Variants in COL4A3 observed in about 807,000 individuals in gnomAD.
The protein encoded by COL4A3 is collagen alpha-3(IV) chain.
A neutral mutation model predicts 217.4 loss-of-function variants in COL4A3; 135 were observed. The ratio of observed to expected loss-of-function variants is 0.62; its 90% CI spans 0.54 to 0.72. The LOEUF is 0.72. Among genes scored for constraint, COL4A3 ranks in the 30% least tolerant of loss-of-function variants. The pLI, the probability that COL4A3 is intolerant of heterozygous loss-of-function variation, is 0.00. For missense variants in COL4A3, 1,868 were observed against 2,119.9 expected (o/e 0.88, Z 2.33); for synonymous variants, 690 against 736.3 (o/e 0.94, Z 1.02).
At chr2:227,255,534 T>C (rs2070104121) in intron 15 of COL4A3, among the ~76,000 whole-genome samples, 1 of 152,202 alleles carries the variant, frequency 6.6e-6, no homozygotes. Flanking sequence ...GCAAATACCA[T>C]AAAAGTCAAT....
At chr2:227,168,517 T>A (rs1329585541) in intron 1 of COL4A3, among the ~76,000 whole-genome samples, 1 of 152,254 alleles carries the variant, frequency 6.6e-6, no homozygotes, top group East Asian at 1.9e-4. Flanking sequence ...TAGAAGTTAT[T>A]TATATATTTG....
chr2:227,216,179 C>T (rs2067521314), intron 1 of COL4A3, among the ~76,000 whole-genome samples: 1 of 152,126 alleles, frequency 6.6e-6, no homozygotes, highest in South Asian at 2.1e-4. Context: ...ATGTACTTAA[C>T]ACCAATGACC....
chr2:227,308,978 A>C lies in COL4A3; in HGVS notation c.4542A>C (p.Ala1514=), dbSNP rs1438859903. 6.2e-7 allele frequency: 1 copy of C among 1,614,216 alleles called. No homozygotes were observed. The highest frequency in any genetic ancestry group is 8.5e-7 in the Non-Finnish European group (1 of 1,180,028). ...FCNVNDVCNF[A]SRNDYSYWLS... Reference sequence around the variant, plus strand: ...ATGTCAATGATGTATGTAATTTTGCATCTCGAAATGATTATTCATACTGGC... The same window carrying C: ...ATGTCAATGATGTATGTAATTTTGCCTCTCGAAATGATTATTCATACTGGC... The change falls in exon 49 of 52, where the codon GCA becomes GCC. Residue 1514 remains alanine (A), a synonymous_variant. Transcript: ENST00000396578.
chr2:227,225,709 C>CTTTTTTTT (rs71829862), intron 1 of COL4A3, among the ~76,000 whole-genome samples: 1 of 126,244 alleles, frequency 7.9e-6, no homozygotes, highest in African/African-American at 3.0e-5. Context: ...CTTTTTCTTT[C>CTTTTTTTT]TTTTTTTTTT....
At chr2:227,170,897 A>G (rs1301043447) in intron 1 of COL4A3, among the ~76,000 whole-genome samples, 1 of 152,180 alleles carries the variant, frequency 6.6e-6, no homozygotes, top group Non-Finnish European at 1.5e-5. Context: ...GTCTGTATCT[A>G]TTTTAAGAAA....
At chr2:227,179,768 C>T (rs1267780800) in intron 1 of COL4A3, among the ~76,000 whole-genome samples, 1 of 152,178 alleles carries the variant, frequency 6.6e-6, no homozygotes, top group Non-Finnish European at 1.5e-5. Context: ...CTTCTGTCCT[C>T]ATGGAGTATG....
At position 227,253,180 on chromosome 2, in the gene COL4A3, C is replaced by T; in HGVS notation, c.646-116C>T. The T allele has an allele frequency of 4.6e-6, 4 of 864,414 alleles. No homozygotes were observed. Among genetic ancestry groups the T allele is most frequent in the Admixed American group, 2.2e-5 (1 of 46,248 alleles). 53.5% of individuals were successfully genotyped at this position (864,414 alleles called of 1,614,324 possible). ...AGAAATAGCTAAAATATGTATCATT[C>T]TAAAATGAAAGTTAAAATATAAATG... is the stretch of plus-strand genomic sequence containing the variant. On this transcript the variant is annotated intron_variant, in intron 11 of 51. Transcript: ENST00000396578. This position sits in a 1 kb window ranked among gnomAD's most constrained non-coding sequence, Gnocchi z 4.4.
intron 1 of COL4A3, among the ~76,000 whole-genome samples, chr2:227,210,702 T>A (rs2067285042): frequency 6.6e-6 from 1 of 152,256 alleles, no homozygotes; most frequent in South Asian, 2.1e-4. Flanking sequence ...ATAAGCAGTA[T>A]AACTCCAGTG....
intron 23 of COL4A3, among the ~76,000 whole-genome samples, chr2:227,269,112 A>T (rs2071090278): frequency 6.6e-6 from 1 of 152,258 alleles, no homozygotes; most frequent in Admixed American, 6.5e-5. Flanking sequence ...CCAGAAGGTC[A>T]TTTAAAGGGA....
intron 1 of COL4A3, among the ~76,000 whole-genome samples, chr2:227,186,013 G>T (rs139670095): frequency 6.6e-6 from 1 of 152,212 alleles, no homozygotes; most frequent in African/African-American, 2.4e-5. Context: ...GATAATGAAG[G>T]AGTCAGCATC....
At chr2:227,202,784 A>G (rs2066759195) in intron 1 of COL4A3, among the ~76,000 whole-genome samples, 1 of 133,232 alleles carries the variant, frequency 7.5e-6, no homozygotes, top group South Asian at 2.3e-4. Context: ...ACATATATAT[A>G]CACATGTGTA....
intron 1 of COL4A3, among the ~76,000 whole-genome samples, chr2:227,221,835 A>G (rs1298813852): frequency 2.0e-5 from 3 of 152,076 alleles, no homozygotes; most frequent in African/African-American, 7.2e-5. Context: ...AATAAATGAT[A>G]CCACTTCTAG....
At chr2:227,177,963 C>A (rs1253764752) in intron 1 of COL4A3, among the ~76,000 whole-genome samples, 1 of 152,066 alleles carries the variant, frequency 6.6e-6, no homozygotes, top group Non-Finnish European at 1.5e-5. Flanking sequence ...TAAAGTGCAT[C>A]CTTTAAGTGA....
At position 227,308,968 on chromosome 2, in the gene COL4A3, G is replaced by A; in HGVS notation, c.4532G>A (p.Cys1511Tyr). 3.1e-6 allele frequency: 5 copies of A among 1,614,168 alleles called. No homozygotes were observed. The highest frequency in any genetic ancestry group is 2.2e-5 in the East Asian group (1 of 44,886). Residue 1511 changes from cysteine (C) to tyrosine (Y), a missense_variant, in exon 49 of 52, where the codon TGT becomes TAT. Physicochemically the swap from Cys to Tyr is radical, Grantham distance 194. Coordinates refer to ENST00000396578, the MANE Select transcript of COL4A3 (RefSeq NM_000091.5). ...TTATTCTGCAATGTCAATGATGTAT[G>A]TAATTTTGCATCTCGAAATGATTAT... Reference protein sequence around the residue: ...PFLFCNVNDVCNFASRNDYSY... With the variant: ...PFLFCNVNDVYNFASRNDYSY...
chr2:227,196,971 G>A (rs79382260), intron 1 of COL4A3, among the ~76,000 whole-genome samples: 2 of 152,100 alleles, frequency 1.3e-5, no homozygotes, highest in Non-Finnish European at 2.9e-5. Flanking sequence ...GAATCATGGG[G>A]GGTAGGTATT....
chr2:227,296,702 A>G (rs2073042542), intron 41 of COL4A3, among the ~76,000 whole-genome samples: 2 of 152,238 alleles, frequency 1.3e-5, no homozygotes, highest in South Asian at 4.1e-4. Context: ...TCATCTAAGC[A>G]CTTTCTTTTA....
chr2:227,225,116 G>A (rs986904009), intron 1 of COL4A3, among the ~76,000 whole-genome samples: 4 of 152,130 alleles, frequency 2.6e-5, no homozygotes, highest in African/African-American at 7.2e-5. Context: ...ATGTTGCCCC[G>A]GCTGGTCTCC....
chr2:227,252,276 C>T (rs556515685), intron 11 of COL4A3, among the ~76,000 whole-genome samples: 53 of 131,752 alleles, frequency 4.0e-4, no homozygotes, highest in Non-Finnish European at 5.9e-4. Context: ...TGTAGTGGTG[C>T]GATCTCGGCT....
chr2:227,237,893 A>G, intron 1 of COL4A3, 75 bp from the exon 2 acceptor site: 1 of 1,088,310 alleles, frequency 9.2e-7, no homozygotes, highest in South Asian at 1.2e-5. Context: ...AGAGAAATGC[A>G]TTTGCTTTTA....
Sources: gnomAD v4.1 joint callset for allele counts (sites outside exome capture counted in the v4.1 genomes callset) on GRCh38, gnomAD v4.1.1 for gene constraint, Gnocchi (gnomAD v3.1) non-coding constraint, MANE v1.5 for transcripts, NCBI Gene and HGNC (gene_info 2026-07-23, HGNC 2026-07-21) for gene names.